The following RBFOX3 variants were observed in gnomAD, a reference collection of about 807,000 sequenced individuals.
RBFOX3 encodes the protein RNA binding fox-1 homolog 3.
RBFOX3 carries 17 observed loss-of-function variants against 48.7 expected under a neutral mutation model. The ratio of observed to expected loss-of-function variants is 0.35; its 90% confidence interval spans 0.24 to 0.52. The LOEUF is 0.52. RBFOX3 is among the 20% of genes least tolerant of loss of function. RBFOX3 has a pLI of 0.94. For missense variants in RBFOX3, 382 were observed against 497.5 expected, an observed-to-expected ratio of 0.77 and a Z score of 2.21; for synonymous variants, 212 against 209.5, an observed-to-expected ratio of 1.01 and a Z score of -0.10.
intron 3 of RBFOX3, among the ~76,000 whole-genome samples, chr17:79,277,949 C>T (rs2069307755): frequency 6.6e-6 from 1 of 152,204 alleles, no homozygotes; most frequent in African/African-American, 2.4e-5. Context: ...AGCAAAATCC[C>T]AAGAGCTTTA....
chr17:79,487,466 G>A (rs1451770261), intron 1 of RBFOX3, among the ~76,000 whole-genome samples: 1 of 152,208 alleles, frequency 6.6e-6, no homozygotes. Context: ...TGGGGGAGAG[G>A]AGAGCCTGGC....
chr17:79,143,799 G>A (rs1001905807), intron 4 of RBFOX3, among the ~76,000 whole-genome samples: 3 of 152,290 alleles, frequency 2.0e-5, no homozygotes, highest in Non-Finnish European at 4.4e-5. Context: ...CCTGCAGGAA[G>A]CACTGACTCA....
chr17:79,210,254 T>A (rs944373027), intron 4 of RBFOX3, among the ~76,000 whole-genome samples: 1 of 152,168 alleles, frequency 6.6e-6, no homozygotes, highest in African/African-American at 2.4e-5. Flanking sequence ...CTTTTTTTAT[T>A]TCTTCAGTGT....
intron 3 of RBFOX3, among the ~76,000 whole-genome samples, chr17:79,238,677 T>TC (rs1409550645): frequency 5.1e-4 from 77 of 152,302 alleles, no homozygotes; most frequent in African/African-American, 1.8e-3. Flanking sequence ...CCAACCCTTC[T>TC]CTCCTGAGAG....
At chr17:79,356,026 T>C (rs56281334) in intron 2 of RBFOX3, among the ~76,000 whole-genome samples, 17,541 of 152,224 alleles carry the variant, frequency 0.12, 1,142 homozygotes, top group East Asian at 0.21. Context: ...TATCACTGCG[T>C]CTGTATAAAC....
chr17:79,158,024 C>T (rs1356319329), intron 4 of RBFOX3, among the ~76,000 whole-genome samples: 1 of 152,122 alleles, frequency 6.6e-6, no homozygotes, highest in East Asian at 1.9e-4. Flanking sequence ...GGAGACGGGA[C>T]CTTTAAAGAG....
At chr17:79,356,372 T>TTTTTTGTTTTTG (rs1598370441) in intron 2 of RBFOX3, among the ~76,000 whole-genome samples, 4 of 73,940 alleles carry the variant, frequency 5.4e-5, no homozygotes, top group East Asian at 5.4e-4. Context: ...TTTTTTTTTT[T>TTTTTTGTTTTTG]TTTTTTTTTT....
the RBFOX3 span, among the ~76,000 whole-genome samples, chr17:79,648,500 T>C: frequency 6.6e-6 from 1 of 152,124 alleles, no homozygotes; most frequent in Non-Finnish European, 1.5e-5. Flanking sequence ...CAGAGGCTGG[T>C]AAGGAGGCTG....
rs778481933 is a variant in RBFOX3 at position 79,497,405 on chromosome 17, A to G, written c.-319-14807T>C. Among the ~76,000 whole-genome samples the G allele has an allele frequency of 8.0e-3, 1,212 of 152,314 alleles. 7 individuals carry two copies. Among genetic ancestry groups the G allele is most frequent in the Non-Finnish European group, 0.013 (905 of 68,016 alleles). ...CTTCCAATGGACCGCAGAGTCTTTT[A>G]TTCAGCCAAAGTCAGCCAATGGAGC... is the stretch of plus-strand genomic sequence containing the variant. On this transcript the variant is annotated intron_variant, in intron 1 of 14. Transcript: ENST00000693108.
rs560598035 is a variant in RBFOX3, at chr17:79,256,794, C to T, written c.-73-20989G>A. 4.7e-4 allele frequency among the ~76,000 whole-genome samples: 71 copies of T among 151,996 alleles called. 1 individual carries two copies. The highest frequency in any genetic ancestry group is 9.3e-4 in the Non-Finnish European group (63 of 68,000). On this transcript the variant is annotated intron_variant, in intron 3 of 14. Coordinates refer to ENST00000693108, the MANE Select transcript of RBFOX3 (RefSeq NM_001350451.2). ...TTAGCCGGGCATGGTGGCGCACGCACCTGAAATCCTATCTACTCGTGGGGG... is the reference window on the plus strand; with the variant it reads ...TTAGCCGGGCATGGTGGCGCACGCATCTGAAATCCTATCTACTCGTGGGGG...
At chr17:79,662,143 T>TTTTTTTTTTTTTTGTTG in the RBFOX3 span, among the ~76,000 whole-genome samples, 1 of 144,828 alleles carries the variant, frequency 6.9e-6, no homozygotes, top group African/African-American at 2.5e-5. Context: ...TTTTTTTTTT[T>TTTTTTTTTTTTTTGTTG]GAGTCGGAGT....
At chr17:79,449,130 G>C (rs1044361068) in intron 2 of RBFOX3, among the ~76,000 whole-genome samples, 1 of 152,130 alleles carries the variant, frequency 6.6e-6, no homozygotes, top group Non-Finnish European at 1.5e-5. Context: ...AGAGGAGAGG[G>C]AGAGCAAACA....
intron 4 of RBFOX3, among the ~76,000 whole-genome samples, chr17:79,218,941 G>C (rs370543328): frequency 6.6e-6 from 1 of 152,190 alleles, no homozygotes; most frequent in Non-Finnish European, 1.5e-5. Flanking sequence ...CTTGACCCTC[G>C]CGATTCTGAC....
intron 1 of RBFOX3, among the ~76,000 whole-genome samples, chr17:79,497,632 C>G (rs980610637): frequency 1.3e-5 from 2 of 152,212 alleles, no homozygotes; most frequent in African/African-American, 4.8e-5. Flanking sequence ...AAACACGAAG[C>G]TCTAGAACAA....
At chr17:79,462,243 T>C (rs1447208591) in intron 2 of RBFOX3, among the ~76,000 whole-genome samples, 5 of 152,188 alleles carry the variant, frequency 3.3e-5, no homozygotes, top group African/African-American at 1.2e-4. Context: ...GCATGAACGA[T>C]GTAACGATAA....
intron 1 of RBFOX3, among the ~76,000 whole-genome samples, chr17:79,533,565 G>A (rs1835936467): frequency 6.6e-6 from 1 of 152,224 alleles, no homozygotes; most frequent in Admixed American, 6.5e-5. Context: ...ACAGAAACCA[G>A]CATCAGTTCT....
At chr17:79,609,459 T>C (rs2093919208) in intron 1 of RBFOX3, among the ~76,000 whole-genome samples, 1 of 152,202 alleles carries the variant, frequency 6.6e-6, no homozygotes. Context: ...GTCTCTGTCC[T>C]TAGCCTCCAC....
chr17:79,256,576 T>G (rs2148378743), intron 3 of RBFOX3, among the ~76,000 whole-genome samples: 1 of 152,180 alleles, frequency 6.6e-6, no homozygotes, highest in Non-Finnish European at 1.5e-5. Flanking sequence ...GAGGAGAAAG[T>G]CTTTAGGTGG....
chr17:79,548,906 G>A (rs145642667), intron 1 of RBFOX3, among the ~76,000 whole-genome samples: 1,707 of 152,256 alleles, frequency 0.011, 30 homozygotes, highest in African/African-American at 0.038. Flanking sequence ...TCACTCCCTC[G>A]CTAGATACCA....
Sources: gnomAD v4.1 joint callset for allele counts (sites outside exome capture counted in the v4.1 genomes callset) on GRCh38, gnomAD v4.1.1 for gene constraint, MANE v1.5 for transcripts, NCBI Gene and HGNC (gene_info 2026-07-23, HGNC 2026-07-21) for gene names.